The following FOXN3 variants were observed in gnomAD, a reference collection of about 807,000 sequenced individuals.
The protein encoded by FOXN3 is forkhead box protein N3.
Under a neutral mutation model 38.4 loss-of-function variants are expected in FOXN3, and 7 were observed. The ratio of observed to expected loss-of-function variants is 0.18; its 90% CI spans 0.10 to 0.34. FOXN3 has a LOEUF of 0.34. FOXN3 is among the 10% of genes least tolerant of loss of function. The probability of loss-of-function intolerance (pLI) is 1.00; values close to 1 mark genes in which losing one functional copy is unlikely to be tolerated. For synonymous variants in FOXN3, 230 were observed against 242.2 expected (o/e 0.95, Z 0.47); for missense variants, 456 against 613.4 (o/e 0.74, Z 2.71).
rs188715898 is a variant in FOXN3 at position 89,314,304 on chromosome 14, T to C, written c.681-33290A>G. Among the ~76,000 whole-genome samples, 6 of 152,338 alleles carry C rather than the reference T, an allele frequency of 3.9e-5. No individual in the cohort carries two copies. The East Asian group carries it at 9.6e-4, about 24-fold the overall frequency. On this transcript the variant is annotated intron_variant, in intron 3 of 5. Coordinates refer to ENST00000557258, the MANE Select transcript of FOXN3 (RefSeq NM_005197.4). Reference sequence around the variant, plus strand: ...TATTTTAATTCTGGGAAAATACTAATACACTACAAAACGATAAATATTTTA... The same window carrying C: ...TATTTTAATTCTGGGAAAATACTAACACACTACAAAACGATAAATATTTTA...
At chr14:89,590,000 C>T (rs940329331) in intron 1 of FOXN3, among the ~76,000 whole-genome samples, 2 of 152,188 alleles carry the variant, frequency 1.3e-5, no homozygotes, top group African/African-American at 2.4e-5. Context: ...AGGGGAGGGA[C>T]TGATGCCGGG....
At chr14:89,290,707 T>C in intron 3 of FOXN3, 3 of 381,818 alleles carry the variant, frequency 7.9e-6, no homozygotes, top group Non-Finnish European at 1.5e-5. Flanking sequence ...ATGTAGCTTC[T>C]GTGGGGAGAC....
chr14:89,167,337 A>C (rs1238826308), intron 5 of FOXN3, among the ~76,000 whole-genome samples: 1 of 152,232 alleles, frequency 6.6e-6, no homozygotes, highest in Non-Finnish European at 1.5e-5. Context: ...TAGGGGTTCC[A>C]CTACAGTATA....
intron 4 of FOXN3, among the ~76,000 whole-genome samples, chr14:89,199,334 A>C (rs1218054317): frequency 6.6e-6 from 1 of 152,190 alleles, no homozygotes. Flanking sequence ...TTTAGGGAAC[A>C]AAAATCTCCC....
In FOXN3 at chr14:89,369,546, ATT is replaced by A. The variant is rs35049896; in HGVS notation, c.544-18740_544-18739del. Among the ~76,000 whole-genome samples, 613 of 150,112 alleles carry A rather than the reference ATT, an allele frequency of 4.1e-3. 4 individuals are homozygous for A. Among genetic ancestry groups the A allele is most frequent in the Middle Eastern group, 0.014 (4 of 292 alleles). On this transcript the variant is annotated intron_variant, in intron 2 of 5. Transcript: ENST00000557258. ...ACAAGGACATACCCAAGACTGGGTA[ATT>A]TTTTTTTTTTTTAAAAAAGAGGTTT...
intron 5 of FOXN3, among the ~76,000 whole-genome samples, chr14:89,177,553 G>A (rs1887555514): frequency 6.6e-6 from 1 of 152,014 alleles, no homozygotes. Context: ...GGCTGGGGCT[G>A]GGGCTGGGGC....
At chr14:89,534,827 A>T (rs1470886686) in intron 1 of FOXN3, among the ~76,000 whole-genome samples, 1 of 152,170 alleles carries the variant, frequency 6.6e-6, no homozygotes, top group African/African-American at 2.4e-5. Context: ...TCTCCCTCTG[A>T]TGCCAAGAGG....
intron 1 of FOXN3, among the ~76,000 whole-genome samples, chr14:89,453,090 T>C (rs1159560395): frequency 1.3e-5 from 2 of 151,792 alleles, no homozygotes; most frequent in Non-Finnish European, 2.9e-5. Context: ...TCCCAGATAC[T>C]CATGAGGCTG....
At chr14:89,308,885 G>A (rs1055100292) in intron 3 of FOXN3, among the ~76,000 whole-genome samples, 6 of 152,132 alleles carry the variant, frequency 3.9e-5, no homozygotes, top group Non-Finnish European at 8.8e-5. Flanking sequence ...TCCTGCAGAG[G>A]CTAATGGAAC....
intron 1 of FOXN3, among the ~76,000 whole-genome samples, chr14:89,448,408 G>A (rs1431747264): frequency 6.6e-6 from 1 of 152,060 alleles, no homozygotes; most frequent in Non-Finnish European, 1.5e-5. Flanking sequence ...GCAGGACCAT[G>A]TCAGCAAGGA....
At chr14:89,262,084 CAG>C (rs1383387478) in intron 4 of FOXN3, among the ~76,000 whole-genome samples, 1 of 151,484 alleles carries the variant, frequency 6.6e-6, no homozygotes, top group African/African-American at 2.4e-5. Context: ...GCCTGGGTGA[CAG>C]AGAGAGACCC....
At chr14:89,282,160 G>A (rs1031645215) in intron 3 of FOXN3, among the ~76,000 whole-genome samples, 2 of 152,148 alleles carry the variant, frequency 1.3e-5, no homozygotes, top group Non-Finnish European at 2.9e-5. Context: ...TTACATGATT[G>A]AGGAGGAGTA....
intron 1 of FOXN3, among the ~76,000 whole-genome samples, chr14:89,585,312 T>C (rs953705436): frequency 6.6e-6 from 1 of 152,222 alleles, no homozygotes; most frequent in Non-Finnish European, 1.5e-5. Context: ...TTGAGAGTAA[T>C]GGTTTCCTCA....
chr14:89,369,085 G>A (rs1453401470), intron 2 of FOXN3, among the ~76,000 whole-genome samples: 1 of 152,186 alleles, frequency 6.6e-6, no homozygotes, highest in Non-Finnish European at 1.5e-5. Flanking sequence ...CTGGGGGAGG[G>A]GAGAGGCAGA....
intron 4 of FOXN3, among the ~76,000 whole-genome samples, chr14:89,240,856 C>T (rs936979176): frequency 6.6e-6 from 1 of 152,180 alleles, no homozygotes; most frequent in Non-Finnish European, 1.5e-5. Flanking sequence ...GCCTGGGGTC[C>T]CACGAATGGC....
chr14:89,442,828 A>G (rs1959450), intron 1 of FOXN3, among the ~76,000 whole-genome samples: 49,233 of 152,092 alleles, frequency 0.32, 8,302 homozygotes, highest in East Asian at 0.56. Flanking sequence ...CCTACACCCA[A>G]CTGGAGGGCC....
At chr14:89,290,419 T>C in intron 3 of FOXN3, 1 of 367,284 alleles carries the variant, frequency 2.7e-6, no homozygotes, top group Non-Finnish European at 5.3e-6. Context: ...TGGATTTGAA[T>C]GTACTTGGAG....
chr14:89,402,562 G>A (rs181480426), intron 2 of FOXN3, among the ~76,000 whole-genome samples: 20 of 152,332 alleles, frequency 1.3e-4, no homozygotes, highest in African/African-American at 4.6e-4. Flanking sequence ...GCAGCTAGAA[G>A]TCATGTGACC....
chr14:89,220,473 G>T (rs1287684753), intron 4 of FOXN3, among the ~76,000 whole-genome samples: 2 of 152,182 alleles, frequency 1.3e-5, no homozygotes, highest in Non-Finnish European at 2.9e-5. Flanking sequence ...ACCATTTTCA[G>T]GACCCGCAAT....
Sources: allele counts gnomAD v4.1 joint callset (sites outside exome capture counted in the v4.1 genomes callset), GRCh38; gene constraint gnomAD v4.1.1; transcripts MANE v1.5; gene names NCBI Gene and HGNC (gene_info 2026-07-23, HGNC 2026-07-21).